The following JMJD1C variants were observed in gnomAD, a reference collection of about 807,000 sequenced individuals.
JMJD1C encodes the protein jumonji domain-containing protein 1C.
In JMJD1C, 31 loss-of-function variants were observed where a neutral mutation model predicts 245.3. The ratio of observed to expected loss-of-function variants is 0.13; its 90% confidence interval spans 0.09 to 0.17. JMJD1C has a LOEUF of 0.17. Ranked by LOEUF, JMJD1C falls within the 10% of genes least tolerant of loss-of-function variation. The pLI, the probability that JMJD1C is intolerant of heterozygous loss-of-function variation, is 1.00. For missense variants in JMJD1C, 2,691 were observed against 3,000.2 expected (o/e 0.90, Z 2.41); for synonymous variants, 1,057 against 1,017.4 (o/e 1.04, Z -0.74).
chr10:63,516,811 T>G (rs1015796744), intron 1 of JMJD1C, among the ~76,000 whole-genome samples: 2 of 152,242 alleles, frequency 1.3e-5, no homozygotes, highest in Non-Finnish European at 2.9e-5. Context: ...TAGTGAATAC[T>G]TAATCAGAAC....
chr10:63,305,542 T>C (rs7896676), intron 2 of JMJD1C, among the ~76,000 whole-genome samples: 119,073 of 138,546 alleles, frequency 0.86, 51,916 homozygotes, highest in African/African-American at 0.96. Flanking sequence ...GAGGCAAGGT[T>C]TGTCAGCCTC....
At chr10:63,245,949 A>G (rs1260438312) in intron 3 of JMJD1C, among the ~76,000 whole-genome samples, 3 of 152,220 alleles carry the variant, frequency 2.0e-5, no homozygotes, top group Non-Finnish European at 2.9e-5. Context: ...ACATGCAAAC[A>G]TATCAGAGAC....
chr10:63,338,752 G>A (rs372225599), intron 2 of JMJD1C, among the ~76,000 whole-genome samples: 2 of 142,072 alleles, frequency 1.4e-5, no homozygotes, highest in Non-Finnish European at 3.0e-5. Flanking sequence ...GGGTTCAAGC[G>A]ATCCTCCTAC....
chr10:63,403,661 A>G (rs1350827195), intron 1 of JMJD1C, among the ~76,000 whole-genome samples: 2 of 152,220 alleles, frequency 1.3e-5, no homozygotes, highest in Non-Finnish European at 2.9e-5. Flanking sequence ...TGTACAGGCC[A>G]GGCGCAGTGG....
At chr10:63,291,392 G>A (rs927592596) in intron 2 of JMJD1C, among the ~76,000 whole-genome samples, 8 of 150,826 alleles carry the variant, frequency 5.3e-5, no homozygotes, top group Middle Eastern at 3.5e-3. Flanking sequence ...CAAGGTGGGC[G>A]GATCACAAGG....
At chr10:63,375,559 T>TGA (rs1285967016) in intron 2 of JMJD1C, among the ~76,000 whole-genome samples, 1 of 150,518 alleles carries the variant, frequency 6.6e-6, no homozygotes. Context: ...TGTGTGTGTG[T>TGA]GTAGTTTTAG....
At chr10:63,263,749 T>C (rs902422804) in intron 3 of JMJD1C, among the ~76,000 whole-genome samples, 3 of 151,932 alleles carry the variant, frequency 2.0e-5, no homozygotes, top group South Asian at 2.1e-4. Flanking sequence ...CTGGCCAACA[T>C]TGTGAAACCC....
intron 1 of JMJD1C, among the ~76,000 whole-genome samples, chr10:63,500,730 T>TGGATGGAA (rs1462025344): frequency 3.7e-5 from 5 of 136,836 alleles, no homozygotes; most frequent in East Asian, 2.3e-4. Context: ...TCTCGATGGA[T>TGGATGGAA]GGATGGATGG....
intron 2 of JMJD1C, among the ~76,000 whole-genome samples, chr10:63,364,891 T>C (rs1486633253): frequency 3.9e-5 from 6 of 152,248 alleles, no homozygotes; most frequent in Non-Finnish European, 7.3e-5. Context: ...ATACTACAGC[T>C]ATAGCAACCT....
intron 3 of JMJD1C, among the ~76,000 whole-genome samples, chr10:63,225,736 G>T (rs993193345): frequency 6.7e-6 from 1 of 149,442 alleles, no homozygotes; most frequent in African/African-American, 2.5e-5. Flanking sequence ...CTGAGATGGC[G>T]CCATTGCACT....
chr10:63,286,652 T>C (rs1194156120), intron 2 of JMJD1C, among the ~76,000 whole-genome samples: 1 of 152,134 alleles, frequency 6.6e-6, no homozygotes, highest in Admixed American at 6.6e-5. Context: ...CTTTACCCAA[T>C]TATACACACC....
chr10:63,264,848 T>C (rs533301795), intron 2 of JMJD1C, 84 bp from the exon 3 acceptor site: 2 of 672,486 alleles, frequency 3.0e-6, no homozygotes, highest in Middle Eastern at 2.6e-4. Flanking sequence ...ATACAATGTA[T>C]CAATGTCATT....
intron 1 of JMJD1C, among the ~76,000 whole-genome samples, chr10:63,501,511 C>G (rs1184109271): frequency 6.6e-6 from 1 of 152,188 alleles, no homozygotes; most frequent in African/African-American, 2.4e-5. Flanking sequence ...GACACGGTGG[C>G]TCACGCCTGT....
intron 1 of JMJD1C, among the ~76,000 whole-genome samples, chr10:63,507,076 T>C (rs1167053018): frequency 6.6e-6 from 1 of 152,224 alleles, no homozygotes; most frequent in Non-Finnish European, 1.5e-5. Flanking sequence ...GGTTCCTCCA[T>C]GTCTCTTCAA....
chr10:63,391,966 C>A (rs1197171747), intron 1 of JMJD1C, among the ~76,000 whole-genome samples: 1 of 152,144 alleles, frequency 6.6e-6, no homozygotes, highest in Admixed American at 6.5e-5. Flanking sequence ...ACTAACCAGG[C>A]TTTAAACCAA....
At chr10:63,404,474 A>G (rs955887407) in intron 1 of JMJD1C, among the ~76,000 whole-genome samples, 2 of 152,086 alleles carry the variant, frequency 1.3e-5, no homozygotes, top group Admixed American at 1.3e-4. Flanking sequence ...AAACTCCTGA[A>G]CTCCGGGGGA....
At chr10:63,371,550 T>C (rs1474344037) in intron 2 of JMJD1C, among the ~76,000 whole-genome samples, 1 of 152,200 alleles carries the variant, frequency 6.6e-6, no homozygotes, top group East Asian at 1.9e-4. Context: ...CCACAGTGTC[T>C]AATTCGTATG....
chr10:63,301,666 G>A, intron 2 of JMJD1C: 1 of 403,810 alleles, frequency 2.5e-6, no homozygotes. Flanking sequence ...TCCGGGGCCT[G>A]ACAAGGGGAG....
intron 1 of JMJD1C, among the ~76,000 whole-genome samples, chr10:63,487,306 G>A (rs1489108094): frequency 1.3e-5 from 2 of 152,114 alleles, no homozygotes; most frequent in African/African-American, 4.8e-5. Flanking sequence ...AAGATGAAGG[G>A]GCAAGTAAAG....
Sources: gnomAD v4.1 joint callset for allele counts (sites outside exome capture counted in the v4.1 genomes callset) on GRCh38, gnomAD v4.1.1 for gene constraint, MANE v1.5 for transcripts, NCBI Gene and HGNC (gene_info 2026-07-23, HGNC 2026-07-21) for gene names.